The following SOCS2 variants were observed in gnomAD, a reference collection of about 807,000 sequenced individuals.
SOCS2 encodes the protein CIS-2.
A neutral mutation model predicts 18.6 loss-of-function variants in SOCS2; 10 were observed. The observed-to-expected ratio is 0.54, with a 90% CI of 0.33 to 0.91. The LOEUF (loss-of-function observed/expected upper bound fraction) is 0.91, where lower values mean the gene tolerates loss of function less well. SOCS2 is among the 40% of genes least tolerant of loss of function. The pLI, the probability that SOCS2 is intolerant of heterozygous loss-of-function variation, is 0.02. For missense variants in SOCS2, 231 were observed against 247.2 expected, an observed-to-expected ratio of 0.93 and a Z score of 0.44; for synonymous variants, 104 against 104.0, an observed-to-expected ratio of 1.00 and a Z score of 0.00.
At chr12:93,609,160 G>C in the SOCS2 span, among the ~76,000 whole-genome samples, 1 of 152,256 alleles carries the variant, frequency 6.6e-6, no homozygotes, top group South Asian at 2.1e-4. Flanking sequence ...GGGAGGCCGA[G>C]GCAGGCAAAT....
At chr12:93,612,522 C>T in the SOCS2 span, among the ~76,000 whole-genome samples, 1 of 152,210 alleles carries the variant, frequency 6.6e-6, no homozygotes, top group Non-Finnish European at 1.5e-5. Context: ...ATCCTGCTAT[C>T]TTCACTTCTT....
chr12:93,573,308 G>A, intron 1 of SOCS2: 2 of 568,484 alleles, frequency 3.5e-6, no homozygotes, highest in Non-Finnish European at 6.2e-6. Flanking sequence ...ACTGTTTTCC[G>A]CAGCTGCTCA....
chr12:93,571,810 C>T (rs1398188581), upstream of SOCS2: 5 of 411,936 alleles, frequency 1.2e-5, no homozygotes, highest in Non-Finnish European at 2.4e-5. Context: ...CCCTCCTCTC[C>T]CGGGCCCCTC....
At chr12:93,622,489 T>C in the SOCS2 span, among the ~76,000 whole-genome samples, 3,941 of 152,254 alleles carry the variant, frequency 0.026, 162 homozygotes, top group African/African-American at 0.09. Flanking sequence ...CTCCAAAGGC[T>C]CACACATGTC....
At chr12:93,617,883 C>G in the SOCS2 span, among the ~76,000 whole-genome samples, 1 of 152,126 alleles carries the variant, frequency 6.6e-6, no homozygotes, top group Non-Finnish European at 1.5e-5. Context: ...GCAGTACCCT[C>G]CACTCTTGCC....
chr12:93,614,619 CTTTCT>C, the SOCS2 span, among the ~76,000 whole-genome samples: 55 of 93,814 alleles, frequency 5.9e-4, no homozygotes, highest in Non-Finnish European at 1.0e-3. Context: ...TTCTTTCTTT[CTTTCT>C]TTCTTTCTTT....
intron 1 of SOCS2, among the ~76,000 whole-genome samples, chr12:93,582,820 G>C (rs1242048815): frequency 6.6e-6 from 1 of 152,128 alleles, no homozygotes; most frequent in Non-Finnish European, 1.5e-5. Flanking sequence ...TCCCTTCCAA[G>C]GAGGTCCCAT....
the SOCS2 span, among the ~76,000 whole-genome samples, chr12:93,594,286 G>A: frequency 3.3e-5 from 5 of 152,046 alleles, no homozygotes; most frequent in Middle Eastern, 3.2e-3. Context: ...ATAGAAAATT[G>A]CAATAGAACA....
chr12:93,578,686 A>ACG (rs1347578380), downstream of SOCS2, among the ~76,000 whole-genome samples: 1 of 148,744 alleles, frequency 6.7e-6, no homozygotes, highest in Non-Finnish European at 1.5e-5. Context: ...ATGCTCGCAC[A>ACG]CACACACACA....
the SOCS2 span, among the ~76,000 whole-genome samples, chr12:93,614,495 C>CCTTTCTTT: frequency 2.4e-5 from 1 of 41,922 alleles, no homozygotes. Flanking sequence ...TTCCTTCCTT[C>CCTTTCTTT]CTTCCTTCCT....
the SOCS2 span, among the ~76,000 whole-genome samples, chr12:93,592,917 CTTTTTTTTTTT>C: frequency 1.9e-5 from 2 of 107,388 alleles, no homozygotes; most frequent in African/African-American, 7.2e-5. Flanking sequence ...ACTGAGAAAG[CTTTTTTTTTTT>C]TTTTTTTTTT....
chr12:93,602,650 G>A, the SOCS2 span, among the ~76,000 whole-genome samples: 1 of 152,108 alleles, frequency 6.6e-6, no homozygotes, highest in Non-Finnish European at 1.5e-5. Flanking sequence ...ACCAGGAGTG[G>A]CTCAAATTTG....
At chr12:93,602,415 A>G in the SOCS2 span, among the ~76,000 whole-genome samples, 1 of 152,216 alleles carries the variant, frequency 6.6e-6, no homozygotes, top group Admixed American at 6.5e-5. Context: ...TATTTGTAGC[A>G]TATACATACA....
chr12:93,608,791 G>T, the SOCS2 span, among the ~76,000 whole-genome samples: 1 of 151,974 alleles, frequency 6.6e-6, no homozygotes, highest in Admixed American at 6.6e-5. Context: ...CATCCCACTC[G>T]GTGCAACATC....
chr12:93,594,391 G>A, the SOCS2 span, among the ~76,000 whole-genome samples: 6 of 151,960 alleles, frequency 3.9e-5, no homozygotes, highest in East Asian at 1.9e-4. Flanking sequence ...TACATATTCT[G>A]TAAAAAAGCT....
At chr12:93,604,964 AT>A in the SOCS2 span, among the ~76,000 whole-genome samples, 2,349 of 142,238 alleles carry the variant, frequency 0.017, 40 homozygotes, top group African/African-American at 0.048. Context: ...GCCGGCCTGG[AT>A]TTTTTTTTTT....
the SOCS2 span, among the ~76,000 whole-genome samples, chr12:93,597,282 C>G: frequency 6.6e-6 from 1 of 152,206 alleles, no homozygotes; most frequent in African/African-American, 2.4e-5. Context: ...ATTCCTAACC[C>G]TTTGCAGCTG....
chr12:93,594,951 G>A, the SOCS2 span, among the ~76,000 whole-genome samples: 7 of 152,136 alleles, frequency 4.6e-5, no homozygotes, highest in African/African-American at 1.7e-4. Context: ...CCTCTTGTCA[G>A]CAATACTTTG....
chr12:93,579,584 C>A (rs568474990), downstream of SOCS2, among the ~76,000 whole-genome samples: 2 of 152,134 alleles, frequency 1.3e-5, no homozygotes, highest in Non-Finnish European at 2.9e-5. Flanking sequence ...TAAGTAAGAA[C>A]GATTCTGTGA....
Sources: allele counts gnomAD v4.1 joint callset (sites outside exome capture counted in the v4.1 genomes callset), GRCh38; gene constraint gnomAD v4.1.1; transcripts MANE v1.5; gene names NCBI Gene and HGNC (gene_info 2026-07-23, HGNC 2026-07-21).